The following NCKAP5 variants were observed in gnomAD, a reference collection of about 807,000 sequenced individuals.
NCKAP5 encodes the protein nck-associated protein 5.
Under a neutral mutation model 167.0 loss-of-function variants are expected in NCKAP5, and 92 were observed. The observed-to-expected ratio is 0.55, with a 90% CI of 0.47 to 0.66. The LOEUF (loss-of-function observed/expected upper bound fraction) is 0.66. Ranked by LOEUF, NCKAP5 falls within the 30% of genes least tolerant of loss-of-function variation. The probability of loss-of-function intolerance (pLI) is 0.00; values close to 1 mark genes in which losing one functional copy is unlikely to be tolerated. For synonymous variants in NCKAP5, 891 were observed against 877.4 expected (o/e 1.02, Z -0.27); for missense variants, 2,378 against 2,315.0 (o/e 1.03, Z -0.56).
intron 8 of NCKAP5, among the ~76,000 whole-genome samples, chr2:132,886,452 C>G (rs982933932): frequency 1.3e-5 from 2 of 152,186 alleles, no homozygotes; most frequent in East Asian, 3.8e-4. Context: ...GATGCAATAG[C>G]CTAATCTACT....
intron 3 of NCKAP5, among the ~76,000 whole-genome samples, chr2:133,405,982 G>T (rs1688401479): frequency 6.6e-6 from 1 of 152,194 alleles, no homozygotes; most frequent in South Asian, 2.1e-4. Context: ...AAATTCAGGG[G>T]AATAATTTAC....
intron 6 of NCKAP5, among the ~76,000 whole-genome samples, chr2:132,994,811 T>C (rs1459688117): frequency 6.6e-6 from 1 of 152,222 alleles, no homozygotes; most frequent in African/African-American, 2.4e-5. Flanking sequence ...AGTGTACTTA[T>C]ATAAACCCAG....
At chr2:132,777,734 C>T (rs558874495) in intron 15 of NCKAP5, among the ~76,000 whole-genome samples, 5 of 152,054 alleles carry the variant, frequency 3.3e-5, no homozygotes, top group East Asian at 1.9e-4. Context: ...TGTAACATTT[C>T]GCAGAACTTA....
At chr2:132,823,127 T>C (rs1168470633) in intron 11 of NCKAP5, among the ~76,000 whole-genome samples, 1 of 152,024 alleles carries the variant, frequency 6.6e-6, no homozygotes, top group Non-Finnish European at 1.5e-5. Context: ...GGAAAACTTA[T>C]TTGTGGGAAT....
intron 19 of NCKAP5, among the ~76,000 whole-genome samples, chr2:132,679,445 G>T (rs182722315): frequency 7.9e-5 from 12 of 152,238 alleles, no homozygotes; most frequent in African/African-American, 2.6e-4. Flanking sequence ...ACAAAAGAAT[G>T]TTTGAGAAGA....
At chr2:133,245,505 G>C (rs372813082) in intron 4 of NCKAP5, among the ~76,000 whole-genome samples, 1 of 152,132 alleles carries the variant, frequency 6.6e-6, no homozygotes, top group Non-Finnish European at 1.5e-5. Context: ...AACAAGGCAT[G>C]GAGTGAATTC....
the NCKAP5 span, among the ~76,000 whole-genome samples, chr2:133,640,047 A>G: frequency 2.0e-5 from 3 of 152,212 alleles, no homozygotes; most frequent in Admixed American, 2.0e-4. Context: ...ATGATTAGCC[A>G]TGCATATATA....
At chr2:133,421,826 A>C (rs1689495613) in intron 3 of NCKAP5, among the ~76,000 whole-genome samples, 1 of 152,168 alleles carries the variant, frequency 6.6e-6, no homozygotes, top group African/African-American at 2.4e-5. Flanking sequence ...CTGTCTGTCA[A>C]TATTTAACTA....
intron 5 of NCKAP5, among the ~76,000 whole-genome samples, chr2:133,158,121 T>C (rs1049208218): frequency 6.6e-6 from 1 of 152,210 alleles, no homozygotes; most frequent in African/African-American, 2.4e-5. Flanking sequence ...CACTTGTCCT[T>C]TAGGAAATTT....
chr2:133,599,986 G>T, the NCKAP5 span, among the ~76,000 whole-genome samples: 12 of 152,252 alleles, frequency 7.9e-5, no homozygotes, highest in Admixed American at 5.2e-4. Flanking sequence ...GAAGAGCTGG[G>T]ACTAGAAGCC....
At chr2:133,543,270 A>G (rs927767920) in intron 2 of NCKAP5, among the ~76,000 whole-genome samples, 2 of 152,118 alleles carry the variant, frequency 1.3e-5, no homozygotes, top group East Asian at 1.9e-4. Context: ...GTCTTCCACC[A>G]TGATTGTAAG....
chr2:133,409,080 C>T (rs1395344785), intron 3 of NCKAP5, among the ~76,000 whole-genome samples: 1 of 152,238 alleles, frequency 6.6e-6, no homozygotes, highest in Non-Finnish European at 1.5e-5. Context: ...TGCCATAGAG[C>T]TGAAGTGCTG....
intron 17 of NCKAP5, 35 bp from the exon 18 acceptor site, chr2:132,728,987 C>T (rs1334609909): frequency 1.2e-6 from 2 of 1,608,530 alleles, no homozygotes; most frequent in African/African-American, 1.3e-5. Context: ...TCACATATCA[C>T]CTTTCATCAA....
chr2:133,029,989 T>A (rs1353344136), intron 6 of NCKAP5, among the ~76,000 whole-genome samples: 1 of 152,048 alleles, frequency 6.6e-6, no homozygotes, highest in East Asian at 1.9e-4. Context: ...ATCAAGAAAA[T>A]CCTCTCAGTT....
chr2:133,616,337 C>G, the NCKAP5 span, among the ~76,000 whole-genome samples: 2 of 151,612 alleles, frequency 1.3e-5, no homozygotes, highest in Non-Finnish European at 2.9e-5. Context: ...CACAAAAAAC[C>G]CTTCAAAAAA....
chr2:133,361,633 C>G (rs549950572), intron 3 of NCKAP5, among the ~76,000 whole-genome samples: 1 of 152,168 alleles, frequency 6.6e-6, no homozygotes, highest in South Asian at 2.1e-4. Flanking sequence ...ATTCCTGCCA[C>G]AAGAAAAGGC....
In NCKAP5 at chr2:132,900,701, G is replaced by T. The variant is rs182793062; in HGVS notation, c.580-21785C>A. On this transcript the variant is annotated intron_variant, in intron 8 of 19. Coordinates refer to ENST00000409261, the MANE Select transcript of NCKAP5 (RefSeq NM_207363.3). Reference sequence around the variant, plus strand: ...ACTGTAGCCCAGAAATGTAAATAATGACTCTTACCCAGTGACTGTAATTTA... The same window carrying T: ...ACTGTAGCCCAGAAATGTAAATAATTACTCTTACCCAGTGACTGTAATTTA... Among the ~76,000 whole-genome samples, 76 of 152,142 alleles carry T rather than the reference G, an allele frequency of 5.0e-4. 1 individual carries two copies. The highest frequency in any genetic ancestry group is 3.4e-3 in the Middle Eastern group (1 of 294).
chr2:133,156,347 G>A (rs973076902), intron 5 of NCKAP5, among the ~76,000 whole-genome samples: 4 of 151,994 alleles, frequency 2.6e-5, no homozygotes, highest in African/African-American at 9.7e-5. Flanking sequence ...CAGCTTTCCG[G>A]GTTTTCTATG....
intron 6 of NCKAP5, among the ~76,000 whole-genome samples, chr2:133,006,511 T>A (rs1285561425): frequency 1.3e-5 from 2 of 152,104 alleles, no homozygotes; most frequent in Non-Finnish European, 2.9e-5. Context: ...GGAGTTTGAC[T>A]CAGAGAAAAT....
Sources: allele counts gnomAD v4.1 joint callset (sites outside exome capture counted in the v4.1 genomes callset), GRCh38; gene constraint gnomAD v4.1.1; transcripts MANE v1.5; gene names NCBI Gene and HGNC (gene_info 2026-07-23, HGNC 2026-07-21).